PTDSS1: variants seen among roughly 807,000 people sequenced by gnomAD.
The protein encoded by PTDSS1 is phosphatidylserine synthase 1.
PTDSS1 carries 45 observed loss-of-function variants against 70.5 expected under a neutral mutation model. That is an observed-to-expected ratio of 0.64 (90% CI 0.50 to 0.82). PTDSS1 has a LOEUF of 0.82. PTDSS1 is among the 40% of genes least tolerant of loss of function. The pLI, the probability that PTDSS1 is intolerant of heterozygous loss-of-function variation, is 0.00. For missense variants in PTDSS1, 417 were observed against 586.1 expected (o/e 0.71, Z 2.98); for synonymous variants, 188 against 203.8 (o/e 0.92, Z 0.66).
chr8:96,278,909 T>C (rs1464396984), intron 2 of PTDSS1, among the ~76,000 whole-genome samples: 3 of 151,992 alleles, frequency 2.0e-5, no homozygotes, highest in Non-Finnish European at 2.9e-5. Context: ...TGGAAAAAAG[T>C]TCACAGAACA....
At position 96,262,212 on chromosome 8, in the gene PTDSS1, T is replaced by G; in HGVS notation, c.172T>G (p.Phe58Val). 3 of 1,613,016 alleles carry G rather than the reference T, an allele frequency of 1.9e-6. No individual in the cohort carries two copies. Among genetic ancestry groups the G allele is most frequent in the Non-Finnish European group, 2.5e-6 (3 of 1,179,358 alleles). The change falls in exon 1 of 13, where the codon TTT becomes GTT. Residue 58 changes from phenylalanine to valine, a missense_variant. Transcript: ENST00000517309. This position sits in a 1 kb window ranked among gnomAD's most constrained non-coding sequence, Gnocchi z 4.4. ...CATCGTCAGCCTCATGTACTTCGCC[T>G]TTACCAGGTGGGGCGGCCCAGCCGA... is the stretch of plus-strand genomic sequence containing the variant. ...FTIVSLMYFA[F>V]TRDDSVPEDN...
Position 96,333,480 on chromosome 8 carries a change from C to T in PTDSS1, c.1336C>T (p.His446Tyr). 1 of 1,613,950 alleles carries T rather than the reference C, an allele frequency of 6.2e-7. No individual in the cohort carries two copies. The highest frequency in any genetic ancestry group is 8.5e-7 in the Non-Finnish European group (1 of 1,179,838). Residue 446 changes from histidine to tyrosine, a missense_variant, in exon 13 of 13, where the codon CAT becomes TAT. Coordinates refer to ENST00000517309, the MANE Select transcript of PTDSS1 (RefSeq NM_014754.3). Reference protein sequence around the residue: ...TKGSEDSPPKHAGNNESHSSR... With the variant: ...TKGSEDSPPKYAGNNESHSSR... The stretch of plus-strand genomic sequence containing the variant: ...AGGTTCTGAAGACAGCCCACCCAAG[C>T]ATGCAGGCAACAACGAAAGCCATTC...
chr8:96,293,514 A>G (rs1810935192), intron 4 of PTDSS1, among the ~76,000 whole-genome samples: 2 of 152,236 alleles, frequency 1.3e-5, no homozygotes, highest in Admixed American at 1.3e-4. Flanking sequence ...CCTGGTTCCC[A>G]GGGTTCTGCC....
rs112924913 is a variant in PTDSS1, at chr8:96,287,195, G to A, written c.441+49G>A. 4.1e-5 allele frequency: 66 copies of A among 1,593,520 alleles called. No homozygotes were observed. In the African/African-American group the frequency reaches 7.0e-4, roughly 17 times the overall value. On this transcript the variant is annotated intron_variant, in intron 4 of 12. Coordinates refer to ENST00000517309, the MANE Select transcript of PTDSS1 (RefSeq NM_014754.3). ...TGGAGAAACTCGTAGACTCTTTCTT[G>A]GGTGTAAGAGGTAATAGACTTGACA...
intron 4 of PTDSS1, among the ~76,000 whole-genome samples, chr8:96,293,094 C>T (rs1810929864): frequency 6.6e-6 from 1 of 152,220 alleles, no homozygotes; most frequent in Admixed American, 6.5e-5. Flanking sequence ...CACCCTTACA[C>T]ACATGCATGC....
chr8:96,324,810 CTTTAAG>C (rs1811417181), intron 10 of PTDSS1, among the ~76,000 whole-genome samples: 1 of 152,230 alleles, frequency 6.6e-6, no homozygotes, highest in South Asian at 2.1e-4. Flanking sequence ...TCTAATTTCT[CTTTAAG>C]TTTTAGAGAG....
Position 96,299,606 on chromosome 8 carries a change from T to C in PTDSS1, c.601-88T>C, listed in dbSNP as rs530017132. 6 of 1,324,042 alleles carry C rather than the reference T, an allele frequency of 4.5e-6. No individual in the cohort carries two copies. The East Asian group carries it at 1.5e-4, about 32-fold the overall frequency. 82.0% of individuals were successfully genotyped at this position (1,324,042 alleles called of 1,614,324 possible). On this transcript the variant is annotated intron_variant, in intron 5 of 12. Coordinates refer to ENST00000517309, the MANE Select transcript of PTDSS1 (RefSeq NM_014754.3). ...GAAATGTCAACAACTTCTTCTAAAATAATGTATTGTTAAAAAGGAAATCTA... is the reference window on the plus strand; with the variant it reads ...GAAATGTCAACAACTTCTTCTAAAACAATGTATTGTTAAAAAGGAAATCTA...
At chr8:96,309,702 G>A (rs537858881) in intron 9 of PTDSS1, 80 bp downstream of exon 9, 1 of 1,376,182 alleles carries the variant, frequency 7.3e-7, no homozygotes, top group Non-Finnish European at 1.0e-6. Flanking sequence ...CCTGTGTTAA[G>A]AGCCTTTCAG....
At chr8:96,273,460 A>G (rs2130007457) in intron 2 of PTDSS1, 70 bp downstream of exon 2, 1 of 1,143,584 alleles carries the variant, frequency 8.7e-7, no homozygotes, top group Non-Finnish European at 1.3e-6. Flanking sequence ...GATGTGAGTC[A>G]TCTAGAAGAT....
In PTDSS1 at chr8:96,262,284, G is replaced by GGTGGGGGGGGGGGA; in HGVS notation, c.179+65_179+66insGTGGGGGGGGGGGA. 1 of 1,454,066 alleles carries GGTGGGGGGGGGGGA rather than the reference G, an allele frequency of 6.9e-7. No homozygotes were observed. The highest frequency in any genetic ancestry group is 9.4e-7 in the Non-Finnish European group (1 of 1,063,060). The allele number at this position is 1,454,066 out of a possible 1,614,324, so 90.1% of individuals were successfully genotyped here. On this transcript the variant is annotated intron_variant, in intron 1 of 12. Transcript: ENST00000517309. This position sits in a 1 kb window ranked among gnomAD's most constrained non-coding sequence, Gnocchi z 4.4. ...TAGGGAAGAGGCGGGAGGGAGGGTG[G>GGTGGGGGGGGGGGA]CGGGGAGGGGGGCCCGGCATGGCTC...
At chr8:96,308,381 G>T (rs1340699192) in intron 8 of PTDSS1, among the ~76,000 whole-genome samples, 2 of 152,218 alleles carry the variant, frequency 1.3e-5, no homozygotes, top group Non-Finnish European at 2.9e-5. Flanking sequence ...TGAGACGACA[G>T]TAGTTTATGG....
intron 6 of PTDSS1, among the ~76,000 whole-genome samples, chr8:96,301,452 T>C (rs182413382): frequency 1.2e-3 from 176 of 152,306 alleles, no homozygotes; most frequent in Non-Finnish European, 2.0e-3. Context: ...TCAAAAATAC[T>C]GTTAATCTTT....
At chr8:96,271,424 C>T (rs1021311593) in intron 1 of PTDSS1, among the ~76,000 whole-genome samples, 25 of 152,166 alleles carry the variant, frequency 1.6e-4, no homozygotes, top group African/African-American at 5.8e-4. Flanking sequence ...AAGACTGGAC[C>T]ATAATTTCTT....
chr8:96,287,222 TTTA>T (rs1810836101), intron 4 of PTDSS1, 76 bp downstream of exon 4: 1 of 1,537,184 alleles, frequency 6.5e-7, no homozygotes, highest in Non-Finnish European at 8.9e-7. Context: ...GACTTGACAT[TTTA>T]AATTGTTCCT....
chr8:96,320,185 G>C (rs1439081770), intron 9 of PTDSS1, 61 bp from the exon 10 acceptor site: 1 of 1,395,098 alleles, frequency 7.2e-7, no homozygotes, highest in Non-Finnish European at 1.0e-6. Flanking sequence ...GCATATTTTG[G>C]ATAAAGTGTA....
chr8:96,267,792 C>A (rs1810509169), intron 1 of PTDSS1, among the ~76,000 whole-genome samples: 1 of 152,102 alleles, frequency 6.6e-6, no homozygotes, highest in Non-Finnish European at 1.5e-5. Context: ...ACACAGCACA[C>A]CCAACACCCA....
At chr8:96,296,903 C>T (rs1432999430) in intron 5 of PTDSS1, among the ~76,000 whole-genome samples, 1 of 152,212 alleles carries the variant, frequency 6.6e-6, no homozygotes, top group African/African-American at 2.4e-5. Context: ...GTCGGCCTCG[C>T]TTGCTTCCCC....
intron 6 of PTDSS1, among the ~76,000 whole-genome samples, chr8:96,300,836 C>A (rs1811039980): frequency 6.6e-6 from 1 of 152,130 alleles, no homozygotes; most frequent in South Asian, 2.1e-4. Flanking sequence ...CTGGAGTGAT[C>A]ATTCTTGGAC....
rs1350052365 is a variant in PTDSS1 at position 96,334,167 on chromosome 8, C to T, written c.*601C>T. 1 of 212,394 alleles carries T rather than the reference C, an allele frequency of 4.7e-6. No individual in the cohort carries two copies. Among genetic ancestry groups the T allele is most frequent in the Admixed American group, 5.4e-5 (1 of 18,366 alleles). The allele number at this position is 212,394 out of a possible 1,614,324, so 13.2% of individuals were successfully genotyped here. ...AGAAAAGGGAGAGAGGTGTTGTATT[C>T]CTGTTTGGTAACCTCAGTCTCCTGT... On this transcript the variant is annotated 3_prime_UTR_variant, in exon 13 of 13. Coordinates refer to ENST00000517309, the MANE Select transcript of PTDSS1 (RefSeq NM_014754.3).
Sources: gnomAD v4.1 joint callset for allele counts (sites outside exome capture counted in the v4.1 genomes callset) on GRCh38, gnomAD v4.1.1 for gene constraint, Gnocchi (gnomAD v3.1) non-coding constraint, MANE v1.5 for transcripts, NCBI Gene and HGNC (gene_info 2026-07-23, HGNC 2026-07-21) for gene names.